Variants in FAM186A observed in about 807,000 individuals in gnomAD.
FAM186A encodes the protein protein FAM186A.
Under a neutral mutation model 216.8 loss-of-function variants are expected in FAM186A, and 163 were observed. That is an observed-to-expected ratio of 0.75 (90% confidence interval 0.66 to 0.86). FAM186A has a LOEUF of 0.86. Ranked by LOEUF, FAM186A falls within the 40% of genes least tolerant of loss-of-function variation. The probability of loss-of-function intolerance (pLI) is 0.00; values close to 1 mark genes in which losing one functional copy is unlikely to be tolerated. For missense variants in FAM186A, 2,184 were observed against 2,746.2 expected (o/e 0.80, Z 4.58); for synonymous variants, 805 against 1,025.3 (o/e 0.79, Z 4.10).
rs1006052651 is a variant in FAM186A, at chr12:50,393,363, C to G, written c.192+2930G>C. On this transcript the variant is annotated intron_variant, in intron 1 of 7. Transcript: ENST00000327337. ...GACCAGCCTGGCCAACATGGTGAAACCCTGTCTCTACTAAAATACAAAAAT... is the reference window on the plus strand; with the variant it reads ...GACCAGCCTGGCCAACATGGTGAAAGCCTGTCTCTACTAAAATACAAAAAT... 4.6e-5 allele frequency among the ~76,000 whole-genome samples: 7 copies of G among 152,082 alleles called. No individual in the cohort carries two copies. The South Asian group carries it at 1.5e-3, about 32-fold the overall frequency.
intron 1 of FAM186A, among the ~76,000 whole-genome samples, chr12:50,383,278 A>AGAG (rs367918491): frequency 4.7e-4 from 23 of 49,216 alleles, no homozygotes; most frequent in African/African-American, 1.1e-3. Flanking sequence ...AAAAAAAAAA[A>AGAG]AGAGAGAGAG....
At chr12:50,389,665 A>G (rs1943339613) in intron 1 of FAM186A, among the ~76,000 whole-genome samples, 1 of 152,160 alleles carries the variant, frequency 6.6e-6, no homozygotes. Context: ...AGAAATAATC[A>G]TTTGCCAGAT....
chr12:50,356,496 G>A (rs1337395852), intron 3 of FAM186A, among the ~76,000 whole-genome samples: 1 of 151,988 alleles, frequency 6.6e-6, no homozygotes, highest in African/African-American at 2.4e-5. Context: ...TTCCCAGGCT[G>A]GAGTGCAGTG....
chr12:50,335,665 A>G (rs948460461), intron 4 of FAM186A, among the ~76,000 whole-genome samples: 2 of 151,992 alleles, frequency 1.3e-5, no homozygotes, highest in African/African-American at 4.8e-5. Context: ...AAAATGACAC[A>G]TAGAAAGTAC....
intron 1 of FAM186A, among the ~76,000 whole-genome samples, chr12:50,377,736 G>A (rs1314556664): frequency 6.6e-6 from 1 of 151,530 alleles, no homozygotes; most frequent in African/African-American, 2.4e-5. Context: ...AGAAGGCTGA[G>A]GAAAGAGAAT....
chr12:50,355,133 C>G lies in FAM186A; in HGVS notation c.1699G>C (p.Val567Leu), dbSNP rs1483566856. The G allele has an allele frequency of 6.4e-7, 1 of 1,551,606 alleles. No homozygotes were observed. The highest frequency in any genetic ancestry group is 8.7e-7 in the Non-Finnish European group (1 of 1,146,968). The change falls in exon 4 of 8, where the codon GTG becomes CTG. Residue 567 changes from valine (V) to leucine (L), a missense_variant. Physicochemically the swap from Val to Leu is conservative, Grantham distance 32 (BLOSUM62 1). This residue lies in a region of FAM186A where 1,132 missense variants were observed against 1,263.4 expected (regional missense o/e 0.90). Coordinates refer to ENST00000327337, the MANE Select transcript of FAM186A (RefSeq NM_001145475.3). ...TCCAATGACTCAGTGGTGGGTTCCA[C>G]TTTAATCTCTGCTGCAGTTGGACGT... is the stretch of plus-strand genomic sequence containing the variant. ...DKRPTAAEIK[V>L]EPTTESLDKE...
At chr12:50,332,262 T>C (rs996848648) in intron 5 of FAM186A, among the ~76,000 whole-genome samples, 2 of 152,242 alleles carry the variant, frequency 1.3e-5, no homozygotes, top group Non-Finnish European at 2.9e-5. Context: ...ATTTTCCATA[T>C]ATTAGCTGAT....
At chr12:50,336,323 G>A (rs1942707815) in intron 4 of FAM186A, among the ~76,000 whole-genome samples, 1 of 152,064 alleles carries the variant, frequency 6.6e-6, no homozygotes, top group Admixed American at 6.6e-5. Flanking sequence ...TCTCAGCAAA[G>A]TTAAGTGTTT....
chr12:50,352,919 G>A lies in FAM186A; in HGVS notation c.3913C>T (p.Pro1305Ser), dbSNP rs1460600672. 5 of 1,533,414 alleles carry A rather than the reference G, an allele frequency of 3.3e-6. No homozygotes were observed. In the African/African-American group the frequency reaches 7.1e-5, roughly 22 times the overall value. 95.0% of individuals were successfully genotyped at this position (1,533,414 alleles called of 1,614,324 possible). The part of the protein sequence containing the change: ...QAQTLGIPLT[P>S]KQAQALGIPF... ...ATCCCCAGAGCCTGTGCCTGCTTAG[G>A]GGTGAGAGGGATCCCCAGGGTCTGG... The change falls in exon 4 of 8, where the codon CCT (proline) becomes TCT (serine). Residue 1305 changes from proline (P) to serine (S), a missense_variant. Coordinates refer to ENST00000327337, the MANE Select transcript of FAM186A (RefSeq NM_001145475.3).
intron 1 of FAM186A, among the ~76,000 whole-genome samples, chr12:50,388,898 CA>C: frequency 6.6e-6 from 1 of 151,072 alleles, no homozygotes; most frequent in Non-Finnish European, 1.5e-5. Context: ...ACCAAAAATA[CA>C]AAAATTAGCT....
intron 4 of FAM186A, among the ~76,000 whole-genome samples, chr12:50,344,987 C>G (rs1942798711): frequency 6.6e-6 from 1 of 152,082 alleles, no homozygotes; most frequent in Non-Finnish European, 1.5e-5. Context: ...CGCGGTGGCT[C>G]ACGCCTGTAA....
chr12:50,360,876 A>G lies in FAM186A; in HGVS notation c.463T>C (p.Trp155Arg). The G allele has an allele frequency of 6.4e-7, 1 of 1,551,068 alleles. No homozygotes were observed. The highest frequency in any genetic ancestry group is 8.7e-7 in the Non-Finnish European group (1 of 1,146,784). The change falls in exon 3 of 8, where the codon TGG becomes CGG. Residue 155 changes from tryptophan (W) to arginine (R), a missense_variant. Physicochemically the swap from Trp to Arg is moderately radical, Grantham distance 101. This residue lies in a region of FAM186A where 1,132 missense variants were observed against 1,263.4 expected (regional missense o/e 0.90). Transcript: ENST00000327337. The part of the protein sequence containing the change: ...TLMDVDEHHH[W>R]IAQMELLPDT... The stretch of plus-strand genomic sequence containing the variant: ...GGTAACAACTCCATTTGTGCTATCC[A>G]GTGGTGGTGTTCATCAACATCCATT...
At chr12:50,334,182 T>A in intron 4 of FAM186A, 79 bp from the exon 5 acceptor site, 1 of 1,289,322 alleles carries the variant, frequency 7.8e-7, no homozygotes, top group South Asian at 1.6e-5. Context: ...TTTCTTTTTT[T>A]TTTTTGAGAC....
At chr12:50,368,075 G>A (rs1347465011) in intron 1 of FAM186A, among the ~76,000 whole-genome samples, 4 of 151,240 alleles carry the variant, frequency 2.6e-5, no homozygotes, top group Non-Finnish European at 5.9e-5. Context: ...AACCTGGGAG[G>A]CAGAGGTTGC....
chr12:50,388,187 G>A (rs1332544432), intron 1 of FAM186A, among the ~76,000 whole-genome samples: 2 of 152,156 alleles, frequency 1.3e-5, no homozygotes, highest in Non-Finnish European at 2.9e-5. Context: ...TCAGGGCTTT[G>A]TCTTTCTAAT....
At chr12:50,381,658 A>G (rs1943254591) in intron 1 of FAM186A, among the ~76,000 whole-genome samples, 2 of 152,184 alleles carry the variant, frequency 1.3e-5, no homozygotes, top group Admixed American at 6.6e-5. Flanking sequence ...CCGAACATAA[A>G]CTTTAAGTCA....
intron 1 of FAM186A, among the ~76,000 whole-genome samples, chr12:50,370,633 G>A (rs1427541881): frequency 1.3e-5 from 2 of 152,120 alleles, no homozygotes; most frequent in African/African-American, 2.4e-5. Flanking sequence ...ATATGATCTA[G>A]CAATTGTTCT....
intron 4 of FAM186A, among the ~76,000 whole-genome samples, chr12:50,349,401 C>T (rs1942852886): frequency 6.6e-6 from 1 of 152,004 alleles, no homozygotes; most frequent in Non-Finnish European, 1.5e-5. Flanking sequence ...GTTGTCCAGG[C>T]TTGTCTCAAA....
At chr12:50,340,999 G>T (rs1342102641) in intron 4 of FAM186A, among the ~76,000 whole-genome samples, 1 of 152,076 alleles carries the variant, frequency 6.6e-6, no homozygotes, top group Non-Finnish European at 1.5e-5. Context: ...GTTTTGCCTT[G>T]TTGGCCAGGC....
Sources: gnomAD v4.1 joint callset for allele counts (sites outside exome capture counted in the v4.1 genomes callset) on GRCh38, gnomAD v4.1.1 for gene constraint, gnomAD v4.1.1 regional missense constraint, MANE v1.5 for transcripts, NCBI Gene and HGNC (gene_info 2026-07-23, HGNC 2026-07-21) for gene names.